The following KLHL2 variants were observed in gnomAD, a reference collection of about 807,000 sequenced individuals.
KLHL2 encodes kelch like family member 2.
A neutral mutation model predicts 75.8 loss-of-function variants in KLHL2; 15 were observed. That is an observed-to-expected ratio of 0.20 (90% CI 0.13 to 0.30). KLHL2 has a LOEUF of 0.30. Among genes scored for constraint, KLHL2 ranks in the 10% least tolerant of loss-of-function variants. The pLI, the probability that KLHL2 is intolerant of heterozygous loss-of-function variation, is 1.00. For synonymous variants in KLHL2, 214 were observed against 251.9 expected, an observed-to-expected ratio of 0.85 and a Z score of 1.42; for missense variants, 381 against 741.0, an observed-to-expected ratio of 0.51 and a Z score of 5.64.
At chr4:165,287,731 T>G (rs1245985739) in intron 5 of KLHL2, among the ~76,000 whole-genome samples, 2 of 152,226 alleles carry the variant, frequency 1.3e-5, no homozygotes, top group Non-Finnish European at 2.9e-5. Flanking sequence ...ATTGTGGTTT[T>G]GAGTTGTATT....
intron 3 of KLHL2, 127 bp from the exon 4 acceptor site, chr4:165,238,651 A>G (rs2111100316): frequency 3.3e-6 from 5 of 1,531,380 alleles, no homozygotes; most frequent in East Asian, 4.8e-5. Flanking sequence ...TCGGCCTGCA[A>G]AAAGTGGCTG....
chr4:165,235,467 C>T (rs1400185236), intron 3 of KLHL2, among the ~76,000 whole-genome samples: 1 of 152,250 alleles, frequency 6.6e-6, no homozygotes, highest in African/African-American at 2.4e-5. Context: ...TCCCAAAGCA[C>T]TGGGATTACA....
At chr4:165,246,708 G>C (rs530095919) in intron 4 of KLHL2, among the ~76,000 whole-genome samples, 5 of 152,290 alleles carry the variant, frequency 3.3e-5, no homozygotes, top group African/African-American at 1.2e-4. Context: ...ACATGGGATG[G>C]GGACATATTT....
At chr4:165,253,859 C>T (rs1375800906) in intron 4 of KLHL2, among the ~76,000 whole-genome samples, 3 of 152,188 alleles carry the variant, frequency 2.0e-5, no homozygotes, top group Non-Finnish European at 2.9e-5. Flanking sequence ...TTTCAGTAGT[C>T]GTCCCTGTTT....
At chr4:165,209,237 T>A (rs1489540233) in intron 1 of KLHL2, among the ~76,000 whole-genome samples, 1 of 152,172 alleles carries the variant, frequency 6.6e-6, no homozygotes, top group Non-Finnish European at 1.5e-5. Flanking sequence ...AATATGATGG[T>A]GGATGGTTCA....
Position 165,289,515 on chromosome 4 carries a change from T to G in KLHL2, c.545-4844T>G, listed in dbSNP as rs797008794. 6.2e-5 allele frequency among the ~76,000 whole-genome samples: 9 copies of G among 144,656 alleles called. No homozygotes were observed. In the East Asian group the frequency reaches 1.8e-3, roughly 28 times the overall value. 94.9% of individuals were successfully genotyped at this position (144,656 alleles called of 152,430 possible). On this transcript the variant is annotated intron_variant, in intron 5 of 14. Transcript: ENST00000226725. Reference sequence around the variant, plus strand: ...TAGGCTAATTTTTGGTTTGGTTTTTTTTTTTTTTTTTTTTTGGTAAGTGGT... The same window carrying G: ...TAGGCTAATTTTTGGTTTGGTTTTTGTTTTTTTTTTTTTTTGGTAAGTGGT...
At chr4:165,278,477 C>T in intron 5 of KLHL2, 1 of 1,584,622 alleles carries the variant, frequency 6.3e-7, no homozygotes. Flanking sequence ...AGCAATATGG[C>T]ATTTATTCGT....
At chr4:165,314,194 TTA>T in intron 13 of KLHL2, 28 bp downstream of exon 13, 1 of 1,585,206 alleles carries the variant, frequency 6.3e-7, no homozygotes, top group Non-Finnish European at 8.6e-7. Flanking sequence ...GTTATAAAAC[TTA>T]TGTTGAATTT....
intron 5 of KLHL2, among the ~76,000 whole-genome samples, chr4:165,286,744 G>T (rs952469851): frequency 1.1e-4 from 17 of 152,218 alleles, no homozygotes; most frequent in African/African-American, 3.9e-4. Flanking sequence ...TGAGAAGTCT[G>T]GTGTGGAGGC....
At chr4:165,264,585 C>CATATATATATATATAT (rs55960426) in intron 5 of KLHL2, among the ~76,000 whole-genome samples, 29 of 129,398 alleles carry the variant, frequency 2.2e-4, no homozygotes, top group Middle Eastern at 3.9e-3. Flanking sequence ...AGTATTCCAT[C>CATATATATATATATAT]ATATATATAT....
intron 5 of KLHL2, among the ~76,000 whole-genome samples, chr4:165,280,641 A>G (rs1389908176): frequency 6.6e-6 from 1 of 152,238 alleles, no homozygotes; most frequent in East Asian, 1.9e-4. Flanking sequence ...CTTGATACAC[A>G]GCACTTTTTA....
chr4:165,215,498 T>C (rs1339506223), intron 1 of KLHL2, among the ~76,000 whole-genome samples: 1 of 152,188 alleles, frequency 6.6e-6, no homozygotes, highest in Non-Finnish European at 1.5e-5. Flanking sequence ...AGCATGGATG[T>C]TGACTTTGAA....
Position 165,307,111 on chromosome 4 carries a change from C to A in KLHL2, c.1039+1386C>A, listed in dbSNP as rs552466456. ...GATCACAAGGTCAGAAGCTTGAGACCAGCCTGGCCAACATGATGAAACCCC... is the reference window on the plus strand; with the variant it reads ...GATCACAAGGTCAGAAGCTTGAGACAAGCCTGGCCAACATGATGAAACCCC... On this transcript the variant is annotated intron_variant, in intron 9 of 14. Coordinates refer to ENST00000226725, the MANE Select transcript of KLHL2 (RefSeq NM_007246.4). Among the ~76,000 whole-genome samples, 6 of 152,286 alleles carry A rather than the reference C, an allele frequency of 3.9e-5. No homozygotes were observed. In the East Asian group the frequency reaches 7.7e-4, roughly 20 times the overall value.
At chr4:165,296,198 A>G (rs1744895885) in intron 6 of KLHL2, among the ~76,000 whole-genome samples, 1 of 152,164 alleles carries the variant, frequency 6.6e-6, no homozygotes, top group East Asian at 1.9e-4. Flanking sequence ...TCTTCTGCAC[A>G]TGGCATCTTA....
intron 5 of KLHL2, among the ~76,000 whole-genome samples, chr4:165,271,004 C>T (rs772733520): frequency 6.6e-6 from 1 of 152,182 alleles, no homozygotes; most frequent in Non-Finnish European, 1.5e-5. Flanking sequence ...CATTGGTCTA[C>T]ATATCTACTT....
At chr4:165,293,846 A>G (rs1744708211) in intron 5 of KLHL2, among the ~76,000 whole-genome samples, 1 of 152,028 alleles carries the variant, frequency 6.6e-6, no homozygotes, top group African/African-American at 2.4e-5. Flanking sequence ...AATGTTGGTC[A>G]TATATTCAGA....
chr4:165,251,766 C>T lies in KLHL2; in HGVS notation c.382-11431C>T, dbSNP rs542826629. Among the ~76,000 whole-genome samples the T allele has an allele frequency of 2.0e-4, 30 of 151,616 alleles. No individual in the cohort carries two copies. In the East Asian group the frequency reaches 4.7e-3, roughly 24 times the overall value. ...CTGGGACTACAGGCGCCCGCCACTA[C>T]GCCCGGCTAATTTTTTGTATTTTTA... On this transcript the variant is annotated intron_variant, in intron 4 of 14. Transcript: ENST00000226725.
intron 13 of KLHL2, 103 bp from the exon 14 acceptor site, chr4:165,317,723 A>G (rs759232941): frequency 3.5e-5 from 31 of 877,622 alleles, no homozygotes; most frequent in Non-Finnish European, 5.5e-5. Context: ...GCCTCCTTTC[A>G]AAGAAATTAG....
chr4:165,295,440 ATG>A (rs1744835835), intron 6 of KLHL2, among the ~76,000 whole-genome samples: 1 of 152,220 alleles, frequency 6.6e-6, no homozygotes, highest in Non-Finnish European at 1.5e-5. Flanking sequence ...CTTAATAGAC[ATG>A]TATTGAGTGC....
Sources: gnomAD v4.1 joint callset for allele counts (sites outside exome capture counted in the v4.1 genomes callset) on GRCh38, gnomAD v4.1.1 for gene constraint, MANE v1.5 for transcripts, NCBI Gene and HGNC (gene_info 2026-07-23, HGNC 2026-07-21) for gene names.